Variants in PDE1A observed in about 807,000 individuals in gnomAD.
PDE1A encodes the protein dual specificity calcium/calmodulin-dependent 3',5'-cyclic nucleotide phosphodiesterase 1A.
PDE1A carries 35 observed loss-of-function variants against 61.7 expected under a neutral mutation model. The ratio of observed to expected loss-of-function variants is 0.57; its 90% CI spans 0.43 to 0.75. PDE1A has a LOEUF of 0.75. PDE1A is among the 30% of genes least tolerant of loss of function. PDE1A has a pLI of 0.00. For synonymous variants in PDE1A, 232 were observed against 213.2 expected, an observed-to-expected ratio of 1.09 and a Z score of -0.77; for missense variants, 597 against 630.6, an observed-to-expected ratio of 0.95 and a Z score of 0.57.
chr2:182,688,764 C>G, the PDE1A span, among the ~76,000 whole-genome samples: 4 of 152,114 alleles, frequency 2.6e-5, no homozygotes, highest in Admixed American at 6.6e-5. Flanking sequence ...ACCCATCAGT[C>G]TGCTGTATTC....
At chr2:182,626,726 T>TATATATAC in the PDE1A span, among the ~76,000 whole-genome samples, 1 of 12,770 alleles carries the variant, frequency 7.8e-5, no homozygotes, top group Non-Finnish European at 3.0e-4. Context: ...TTTATATATA[T>TATATATAC]ATATATATAT....
chr2:182,464,247 G>C (rs1429818859), intron 2 of PDE1A, among the ~76,000 whole-genome samples: 2 of 152,064 alleles, frequency 1.3e-5, no homozygotes, highest in Non-Finnish European at 2.9e-5. Context: ...GTTAAAGCAT[G>C]GTAAGAAAGA....
At position 182,451,113 on chromosome 2, in the gene PDE1A, T is replaced by TA. The variant is rs1466998477; in HGVS notation, c.101+71162_101+71163insT. Among the ~76,000 whole-genome samples the TA allele has an allele frequency of 2.0e-4, 17 of 83,606 alleles. 2 individuals are homozygous for TA. Among genetic ancestry groups the TA allele is most frequent in the East Asian group, 2.6e-3 (2 of 766 alleles). The allele number at this position is 83,606 out of a possible 152,430, so 54.8% of individuals were successfully genotyped here. ...TTTAACTAGGGCCGGGCGCGGTGGC[T>TA]CACGCCTGTAATCCCAGCACTTTGG... On this transcript the variant is annotated intron_variant, in intron 2 of 14. Transcript: ENST00000410103.
intron 8 of PDE1A, among the ~76,000 whole-genome samples, chr2:182,204,061 A>T (rs984738360): frequency 1.3e-5 from 2 of 152,196 alleles, no homozygotes; most frequent in African/African-American, 2.4e-5. Context: ...ATAACAAAAT[A>T]TAATAGGAAA....
At chr2:182,668,897 C>T in the PDE1A span, among the ~76,000 whole-genome samples, 1 of 152,144 alleles carries the variant, frequency 6.6e-6, no homozygotes, top group Non-Finnish European at 1.5e-5. Context: ...CAGTTACACT[C>T]CTTACAGACA....
chr2:182,262,433 T>C (rs1413152086), intron 2 of PDE1A, among the ~76,000 whole-genome samples: 5 of 152,050 alleles, frequency 3.3e-5, no homozygotes, highest in Non-Finnish European at 7.4e-5. Context: ...GCCTGGCTAA[T>C]TTTTGTGTTT....
At chr2:182,179,139 T>C (rs537916166) in intron 13 of PDE1A, among the ~76,000 whole-genome samples, 1 of 152,300 alleles carries the variant, frequency 6.6e-6, no homozygotes. Context: ...CTAGAAACTA[T>C]GTTTGGTCAC....
chr2:182,456,573 T>C (rs1233650532), intron 2 of PDE1A, among the ~76,000 whole-genome samples: 1 of 152,074 alleles, frequency 6.6e-6, no homozygotes, highest in Admixed American at 6.6e-5. Context: ...TTCTGAAGTA[T>C]TGAAACAATT....
At chr2:182,243,867 CTTA>C (rs1046299015) in intron 2 of PDE1A, among the ~76,000 whole-genome samples, 8 of 151,882 alleles carry the variant, frequency 5.3e-5, no homozygotes, top group Admixed American at 2.6e-4. Flanking sequence ...ATTTTATTGA[CTTA>C]TTATTATTAT....
intron 13 of PDE1A, among the ~76,000 whole-genome samples, chr2:182,147,459 C>T (rs1013670667): frequency 2.0e-4 from 30 of 152,100 alleles, no homozygotes; most frequent in African/African-American, 7.0e-4. Flanking sequence ...CATGTTTTTT[C>T]TGAATATTTT....
the PDE1A span, among the ~76,000 whole-genome samples, chr2:182,706,502 T>C: frequency 1.3e-5 from 2 of 152,118 alleles, no homozygotes; most frequent in African/African-American, 4.8e-5. Context: ...AACTTGAAAC[T>C]GGTTGAAATG....
chr2:182,140,641 G>A (rs969017074), exon 15 of PDE1A: 2 of 152,190 alleles, frequency 1.3e-5, no homozygotes, highest in African/African-American at 4.8e-5. Context: ...AGATATATAT[G>A]TTGGGGAGCT....
chr2:182,383,298 T>C (rs1355983221), intron 1 of PDE1A, among the ~76,000 whole-genome samples: 1 of 152,186 alleles, frequency 6.6e-6, no homozygotes, highest in Non-Finnish European at 1.5e-5. Context: ...GTGCTTCTTA[T>C]CTGTGCTGAG....
At chr2:182,511,975 G>T (rs1226225827) in intron 2 of PDE1A, among the ~76,000 whole-genome samples, 3 of 152,028 alleles carry the variant, frequency 2.0e-5, no homozygotes, top group Non-Finnish European at 4.4e-5. Flanking sequence ...TACATGCGTG[G>T]ACCACACTGC....
rs2125614576 is a variant in PDE1A at position 182,427,017 on chromosome 2, T to C, written c.-387A>G. 3.0e-6 allele frequency: 3 copies of C among 997,562 alleles called. No individual in the cohort carries two copies. In the African/African-American group the frequency reaches 5.2e-5, roughly 17 times the overall value. The allele number at this position is 997,562 out of a possible 1,614,324, so 61.8% of individuals were successfully genotyped here. A position where few individuals can be genotyped will look rare whatever the true frequency, so the allele number is the denominator to read the frequency against. On this transcript the variant is annotated 5_prime_UTR_variant, in exon 1 of 14. It removes an upstream start codon present in the reference 5' UTR. Coordinates refer to ENST00000351439, the Ensembl canonical transcript of PDE1A. ...CAGCCATGAGAGCTCTCCTTCCACA[T>C]GCTGGTCAAGCTCCGAAAGGCTAAG...
chr2:182,400,988 T>C (rs1701969404), intron 1 of PDE1A, among the ~76,000 whole-genome samples: 1 of 152,192 alleles, frequency 6.6e-6, no homozygotes, highest in Non-Finnish European at 1.5e-5. Context: ...TGTAAGTCCC[T>C]AGTTCTGTTT....
chr2:182,607,778 G>GCA, the PDE1A span, among the ~76,000 whole-genome samples: 1 of 152,178 alleles, frequency 6.6e-6, no homozygotes, highest in African/African-American at 2.4e-5. Flanking sequence ...GCACTTTACA[G>GCA]CACATGATGT....
At chr2:182,641,674 T>A in the PDE1A span, among the ~76,000 whole-genome samples, 1 of 152,226 alleles carries the variant, frequency 6.6e-6, no homozygotes, top group East Asian at 1.9e-4. Flanking sequence ...ACATAATAAG[T>A]TAATTTTACA....
At chr2:182,354,348 G>A (rs1451530622) in intron 1 of PDE1A, among the ~76,000 whole-genome samples, 1 of 152,114 alleles carries the variant, frequency 6.6e-6, no homozygotes, top group Non-Finnish European at 1.5e-5. Flanking sequence ...ATTTGAAAGC[G>A]AGAACAGGGG....
Sources: allele counts gnomAD v4.1 joint callset (sites outside exome capture counted in the v4.1 genomes callset), GRCh38; gene constraint gnomAD v4.1.1; transcripts MANE v1.5; gene names NCBI Gene and HGNC (gene_info 2026-07-23, HGNC 2026-07-21).